Variants in PREX2 observed in about 807,000 individuals in gnomAD.
PREX2 encodes phosphatidylinositol-3,4,5-trisphosphate dependent Rac exchange factor 2, also known as phosphatidylinositol 3,4,5-trisphosphate-dependent Rac exchanger 2 protein.
Under a neutral mutation model 203.2 loss-of-function variants are expected in PREX2, and 107 were observed. That is an observed-to-expected ratio of 0.53 (90% CI 0.45 to 0.62). PREX2 has a LOEUF of 0.62. Among genes scored for constraint, PREX2 ranks in the 20% least tolerant of loss-of-function variants. The pLI is 0.00. For synonymous variants in PREX2, 672 were observed against 663.6 expected (o/e 1.01, Z -0.19); for missense variants, 1,777 against 1,955.9 (o/e 0.91, Z 1.72).
intron 8 of PREX2, among the ~76,000 whole-genome samples, chr8:68,052,652 C>A (rs3829025): frequency 0.57 from 87,385 of 152,000 alleles, 26,597 homozygotes; most frequent in African/African-American, 0.78. Flanking sequence ...AGTTCATTAA[C>A]TAATAGAAGA....
At chr8:67,988,940 T>C (rs1294167319) in intron 1 of PREX2, among the ~76,000 whole-genome samples, 1 of 152,206 alleles carries the variant, frequency 6.6e-6, no homozygotes, top group Non-Finnish European at 1.5e-5. Context: ...TATATTTTCA[T>C]CAGAGTTTTC....
rs1203838406 is a variant in PREX2 at position 68,080,454 on chromosome 8, A to C, written c.1654A>C (p.Ser552Arg). The C allele has an allele frequency of 6.2e-7, 1 of 1,611,272 alleles. No homozygotes were observed. Among genetic ancestry groups the C allele is most frequent in the South Asian group, 1.1e-5 (1 of 89,894 alleles). ...GTCTTTTTCTGTAGTCCTTGAAAAAAGCGAATTCAAAGATGAACCCCTACT... is the reference window on the plus strand; with the variant it reads ...GTCTTTTTCTGTAGTCCTTGAAAAACGCGAATTCAAAGATGAACCCCTACT... ...NGFMHHVLEK[S>R]EFKDEPLLFR... Residue 552 changes from serine (S) to arginine (R), a missense_variant, in exon 16 of 40, where the codon AGC (serine) becomes CGC (arginine). Physicochemically the swap from Ser to Arg is moderately radical, Grantham distance 110. Transcript: ENST00000288368.
At chr8:68,109,194 A>G (rs1367780900) in intron 24 of PREX2, among the ~76,000 whole-genome samples, 1 of 152,194 alleles carries the variant, frequency 6.6e-6, no homozygotes, top group Non-Finnish European at 1.5e-5. Flanking sequence ...GTGGGTATAA[A>G]GTGCTCTCAG....
intron 39 of PREX2, among the ~76,000 whole-genome samples, chr8:68,225,307 C>T (rs16934340): frequency 2.5e-3 from 383 of 152,182 alleles, no homozygotes; most frequent in African/African-American, 8.6e-3. Context: ...ATTTACAGTT[C>T]ACACAGCATC....
intron 39 of PREX2, among the ~76,000 whole-genome samples, chr8:68,227,592 ATTTCG>A (rs1350072171): frequency 6.6e-6 from 1 of 152,180 alleles, no homozygotes; most frequent in African/African-American, 2.4e-5. Context: ...ACAGAAATCA[ATTTCG>A]TTACCACAAT....
chr8:68,231,793 G>T lies in PREX2; in HGVS notation c.*415G>T, dbSNP rs534906744. The stretch of plus-strand genomic sequence containing the variant: ...GTAATAATGGAGAGTTCCTCTTGAA[G>T]AAGGCCATTATTGAAGAAACCTGGC... On this transcript the variant is annotated 3_prime_UTR_variant, in exon 40 of 40. Coordinates refer to ENST00000288368, the MANE Select transcript of PREX2 (RefSeq NM_024870.4). The T allele has an allele frequency of 6.3e-4, 109 of 171,912 alleles. No homozygotes were observed. The highest frequency in any genetic ancestry group is 2.4e-3 in the African/African-American group (103 of 42,194). 10.6% of individuals were successfully genotyped at this position (171,912 alleles called of 1,614,324 possible). A position where few individuals can be genotyped will look rare whatever the true frequency, so the allele number is the denominator to read the frequency against.
chr8:67,974,841 T>G (rs1451708516), intron 1 of PREX2, among the ~76,000 whole-genome samples: 1 of 152,238 alleles, frequency 6.6e-6, no homozygotes, highest in Non-Finnish European at 1.5e-5. Flanking sequence ...TTTTATTACC[T>G]TCTTCATGTA....
At chr8:68,079,839 C>G (rs558617214) in intron 15 of PREX2, among the ~76,000 whole-genome samples, 127 of 152,100 alleles carry the variant, frequency 8.3e-4, no homozygotes, top group African/African-American at 2.9e-3. Flanking sequence ...AGAAACAGAC[C>G]TTTCTAGAAA....
chr8:68,019,796 T>C, intron 3 of PREX2, 125 bp downstream of exon 3: 1 of 870,778 alleles, frequency 1.1e-6, no homozygotes, highest in Middle Eastern at 2.6e-4. Flanking sequence ...GTTTAAGGTC[T>C]TTTAAGGCCA....
chr8:68,205,302 T>C (rs923061548), intron 37 of PREX2, among the ~76,000 whole-genome samples: 1 of 152,206 alleles, frequency 6.6e-6, no homozygotes, highest in African/African-American at 2.4e-5. Context: ...GTTTGTCCTT[T>C]TTTTCTCCAC....
intron 1 of PREX2, among the ~76,000 whole-genome samples, chr8:67,957,620 G>A (rs1275755874): frequency 6.6e-6 from 1 of 152,108 alleles, no homozygotes; most frequent in African/African-American, 2.4e-5. Context: ...CTAAACACAG[G>A]GCTTTGTAAA....
At chr8:68,008,214 A>G (rs1410434704) in intron 1 of PREX2, among the ~76,000 whole-genome samples, 6 of 152,230 alleles carry the variant, frequency 3.9e-5, no homozygotes, top group Non-Finnish European at 7.3e-5. Context: ...ACCTGTTTCA[A>G]ATAGTAAATT....
intron 1 of PREX2, among the ~76,000 whole-genome samples, chr8:68,016,008 A>C (rs1312699863): frequency 3.3e-5 from 5 of 152,216 alleles, no homozygotes; most frequent in African/African-American, 1.2e-4. Context: ...ACAGAATCTG[A>C]AACATGAACT....
intron 30 of PREX2, among the ~76,000 whole-genome samples, chr8:68,123,945 T>A (rs1050384231): frequency 8.6e-5 from 13 of 152,030 alleles, no homozygotes; most frequent in African/African-American, 3.1e-4. Context: ...TACCAAAAAC[T>A]GGCAGAGATA....
chr8:68,062,850 T>G (rs1224741609), intron 11 of PREX2, among the ~76,000 whole-genome samples: 1 of 152,076 alleles, frequency 6.6e-6, no homozygotes. Context: ...CCCTATCCCT[T>G]CCCTGGCCTC....
At chr8:68,106,858 T>C (rs1041898312) in intron 23 of PREX2, among the ~76,000 whole-genome samples, 4 of 152,176 alleles carry the variant, frequency 2.6e-5, no homozygotes, top group African/African-American at 9.7e-5. Flanking sequence ...TCCATGTCCA[T>C]TGTGTTACGA....
chr8:68,070,250 A>G (rs1809158094), intron 13 of PREX2, among the ~76,000 whole-genome samples: 1 of 151,712 alleles, frequency 6.6e-6, no homozygotes, highest in Non-Finnish European at 1.5e-5. Context: ...TTAACTTTCT[A>G]CATTAAATTG....
In PREX2 at chr8:68,038,196, T is replaced by C. The variant is rs1236492920; in HGVS notation, c.743T>C (p.Met248Thr). The C allele has an allele frequency of 1.2e-6, 2 of 1,613,626 alleles. No individual in the cohort carries two copies. Among genetic ancestry groups the C allele is most frequent in the Admixed American group, 3.3e-5 (2 of 60,008 alleles). Residue 248 changes from methionine (M) to threonine (T), a missense_variant, in exon 7 of 40, where the codon ATG (methionine) becomes ACG (threonine). Physicochemically the swap from Met to Thr is moderately conservative, Grantham distance 81. Transcript: ENST00000288368. The stretch of plus-strand genomic sequence containing the variant: ...ACTGACACCTGCACTGAAATGCTAA[T>C]GTGTGGAGTCTTACTGAAAATTTCT... Reference protein sequence around the residue: ...NITDTCTEMLMCGVLLKISSG... With the variant: ...NITDTCTEMLTCGVLLKISSG...
At chr8:68,203,489 G>A (rs1812548265) in intron 37 of PREX2, among the ~76,000 whole-genome samples, 3 of 152,172 alleles carry the variant, frequency 2.0e-5, no homozygotes, top group Admixed American at 1.3e-4. Flanking sequence ...AGTACAGAGA[G>A]AGAAAGGGGG....
Sources: allele counts gnomAD v4.1 joint callset (sites outside exome capture counted in the v4.1 genomes callset), GRCh38; gene constraint gnomAD v4.1.1; transcripts MANE v1.5; gene names NCBI Gene and HGNC (gene_info 2026-07-23, HGNC 2026-07-21).